TFB2M: variants seen among roughly 807,000 people sequenced by gnomAD.
TFB2M encodes transcription factor B2, mitochondrial.
TFB2M carries 44 observed loss-of-function variants against 41.3 expected under a neutral mutation model. The observed-to-expected ratio is 1.07, with a 90% CI of 0.84 to 1.37. The LOEUF is 1.37. Ranked by LOEUF, TFB2M falls within the 40% of genes most tolerant of loss-of-function variation. The pLI is 0.00. For synonymous variants in TFB2M, 188 were observed against 176.8 expected (o/e 1.06, Z -0.50); for missense variants, 496 against 490.2 (o/e 1.01, Z -0.11).
At chr1:246,557,856 A>C (rs759127812) in intron 2 of TFB2M, among the ~76,000 whole-genome samples, 6 of 152,080 alleles carry the variant, frequency 3.9e-5, no homozygotes, top group African/African-American at 1.4e-4. Flanking sequence ...TTTTTAGTAG[A>C]GATGGGGTTT....
chr1:246,561,289 T>A (rs955701541), intron 2 of TFB2M, among the ~76,000 whole-genome samples: 3 of 152,200 alleles, frequency 2.0e-5, no homozygotes, highest in Non-Finnish European at 2.9e-5. Context: ...GAGAAAAAAC[T>A]AGTTCTAATC....
In TFB2M at chr1:246,541,087, G is replaced by C. The variant is rs767077089; in HGVS notation, c.1135C>G (p.Arg379Gly). ...DFKTLFETIE[R>G]SKDCAYKWLY... is the part of the protein sequence containing the mutation. ...CATTTATAAGCACAATCTTTGGAACGCTCTATAGTTTCAAAAAGTGTTTTG... is the reference window on the plus strand; with the variant it reads ...CATTTATAAGCACAATCTTTGGAACCCTCTATAGTTTCAAAAAGTGTTTTG... The change falls in exon 8 of 8, where the codon CGT becomes GGT. Residue 379 changes from arginine to glycine, a missense_variant. Transcript: ENST00000366514. The C allele has an allele frequency of 1.2e-6, 2 of 1,614,000 alleles. No homozygotes were observed. Among genetic ancestry groups the C allele is most frequent in the Non-Finnish European group, 1.7e-6 (2 of 1,179,942 alleles).
intron 2 of TFB2M, among the ~76,000 whole-genome samples, chr1:246,563,995 G>A (rs1659523836): frequency 6.6e-6 from 1 of 152,154 alleles, no homozygotes; most frequent in Admixed American, 6.5e-5. Flanking sequence ...CCTAATATTA[G>A]CACTTATTCC....
intron 7 of TFB2M, among the ~76,000 whole-genome samples, chr1:246,543,121 C>T (rs1658908487): frequency 6.6e-6 from 1 of 151,700 alleles, no homozygotes; most frequent in Non-Finnish European, 1.5e-5. Flanking sequence ...CTTGGCCTCA[C>T]AAAAATGCTC....
intron 4 of TFB2M, among the ~76,000 whole-genome samples, chr1:246,553,092 C>T (rs982004754): frequency 5.3e-5 from 8 of 151,958 alleles, no homozygotes; most frequent in Admixed American, 3.3e-4. Flanking sequence ...CATGGTGGCG[C>T]GTGCCTGTAA....
intron 6 of TFB2M, among the ~76,000 whole-genome samples, chr1:246,548,051 AT>A (rs1458376194): frequency 4.0e-5 from 6 of 150,512 alleles, no homozygotes; most frequent in Non-Finnish European, 8.8e-5. Context: ...GGTTCAAGTG[AT>A]TCTTCTGCTT....
At chr1:246,557,359 T>C in intron 3 of TFB2M, 22 bp downstream of exon 3, 6 of 1,605,872 alleles carry the variant, frequency 3.7e-6, no homozygotes, top group Non-Finnish European at 5.1e-6. Flanking sequence ...AGGTATTTGC[T>C]TTAGTAAATT....
chr1:246,564,418 A>G lies in TFB2M; in HGVS notation c.330T>C (p.Thr110=). 6.2e-7 allele frequency: 1 copy of G among 1,614,176 alleles called. No homozygotes were observed. The highest frequency in any genetic ancestry group is 8.5e-7 in the Non-Finnish European group (1 of 1,179,974). Reference sequence around the variant, plus strand: ...TGGCACCAGCTTCAAGTAATGCCTGAGTCAGGATTCCAGGACCTGGCACAT... The same window carrying G: ...TGGCACCAGCTTCAAGTAATGCCTGGGTCAGGATTCCAGGACCTGGCACAT... ...LECNPGPGIL[T]QALLEAGAKV... is the part of the protein sequence containing the mutation. The change falls in exon 2 of 8, where the codon ACT becomes ACC. Residue 110 remains threonine, a synonymous_variant. Coordinates refer to ENST00000366514, the MANE Select transcript of TFB2M (RefSeq NM_022366.3).
At chr1:246,542,685 T>C (rs191692836) in intron 7 of TFB2M, among the ~76,000 whole-genome samples, 2 of 152,262 alleles carry the variant, frequency 1.3e-5, no homozygotes, top group East Asian at 3.9e-4. Flanking sequence ...TCAATTCCAA[T>C]ACTTTTTGAT....
At chr1:246,557,091 T>A (rs541607088) in intron 3 of TFB2M, among the ~76,000 whole-genome samples, 1 of 152,172 alleles carries the variant, frequency 6.6e-6, no homozygotes, top group South Asian at 2.1e-4. Context: ...CTGGCCAACA[T>A]GGTGAAACCC....
chr1:246,562,979 C>T (rs1659495898), intron 2 of TFB2M, among the ~76,000 whole-genome samples: 1 of 152,090 alleles, frequency 6.6e-6, no homozygotes. Flanking sequence ...TTTTTAAAAG[C>T]CGGCCGGCAG....
chr1:246,562,378 A>C (rs1046436574), intron 2 of TFB2M, among the ~76,000 whole-genome samples: 1 of 152,260 alleles, frequency 6.6e-6, no homozygotes, highest in Admixed American at 6.5e-5. Context: ...TAAGAAGCAC[A>C]ATCACTGAAA....
intron 2 of TFB2M, among the ~76,000 whole-genome samples, chr1:246,563,539 G>A (rs2102991473): frequency 6.6e-6 from 1 of 151,978 alleles, no homozygotes; most frequent in Admixed American, 6.6e-5. Context: ...GGGAGGCAGT[G>A]GTTACAGTGA....
chr1:246,545,589 G>C (rs896641036), intron 6 of TFB2M, among the ~76,000 whole-genome samples: 4 of 152,098 alleles, frequency 2.6e-5, no homozygotes, highest in African/African-American at 4.8e-5. Flanking sequence ...GAGGTGGGCA[G>C]ATCGCTTGAG....
chr1:246,561,634 A>C (rs1572092494), intron 2 of TFB2M, among the ~76,000 whole-genome samples: 2 of 151,916 alleles, frequency 1.3e-5, no homozygotes, highest in East Asian at 3.9e-4. Flanking sequence ...TGCCCAGCTA[A>C]TTTTTTGTAT....
Position 246,566,249 on chromosome 1 carries a change from G to C in TFB2M, c.-111C>G. 1 of 1,101,388 alleles carries C rather than the reference G, an allele frequency of 9.1e-7. No homozygotes were observed. Among genetic ancestry groups the C allele is most frequent in the Non-Finnish European group, 1.3e-6 (1 of 774,758 alleles). The allele number at this position is 1,101,388 out of a possible 1,614,324, so 68.2% of individuals were successfully genotyped here. On this transcript the variant is annotated 5_prime_UTR_variant, in exon 1 of 8. Coordinates refer to ENST00000366514, the MANE Select transcript of TFB2M (RefSeq NM_022366.3). ...TTCTGGCGTCCGGGCCAGGTCAAGC[G>C]GAAGTAAACACTAGAGCCTGCGCAT... is the stretch of plus-strand genomic sequence containing the variant.
At position 246,566,172 on chromosome 1, in the gene TFB2M, C is replaced by T. The variant is rs1478897370; in HGVS notation, c.-34G>A. Reference sequence around the variant, plus strand: ...CTCTCAGGCCCGCTCCAAGAATCACCTAGTGCAGCTACTACAGTGAACCCC... The same window carrying T: ...CTCTCAGGCCCGCTCCAAGAATCACTTAGTGCAGCTACTACAGTGAACCCC... On this transcript the variant is annotated 5_prime_UTR_variant, in exon 1 of 8. Coordinates refer to ENST00000366514, the MANE Select transcript of TFB2M (RefSeq NM_022366.3). 2 of 1,584,218 alleles carry T rather than the reference C, an allele frequency of 1.3e-6. No individual in the cohort carries two copies. Among genetic ancestry groups the T allele is most frequent in the Non-Finnish European group, 1.7e-6 (2 of 1,160,964 alleles).
intron 2 of TFB2M, among the ~76,000 whole-genome samples, chr1:246,560,804 C>T (rs1224534644): frequency 1.3e-5 from 2 of 152,136 alleles, no homozygotes; most frequent in African/African-American, 2.4e-5. Flanking sequence ...AAGTTAGGTA[C>T]TTAAGTTAGT....
At chr1:246,556,037 T>A (rs1326677026) in intron 4 of TFB2M, among the ~76,000 whole-genome samples, 1 of 152,176 alleles carries the variant, frequency 6.6e-6, no homozygotes, top group African/African-American at 2.4e-5. Context: ...GCGATCAGCA[T>A]GCCTTGGCCT....
Sources: allele counts gnomAD v4.1 joint callset (sites outside exome capture counted in the v4.1 genomes callset), GRCh38; gene constraint gnomAD v4.1.1; transcripts MANE v1.5; gene names NCBI Gene and HGNC (gene_info 2026-07-23, HGNC 2026-07-21).